Variants in ARMH1 observed in about 807,000 individuals in gnomAD.
ARMH1 encodes the protein armadillo-like helical domain containing protein 1.
Under a neutral mutation model 50.2 loss-of-function variants are expected in ARMH1, and 34 were observed. That is an observed-to-expected ratio of 0.68 (90% CI 0.51 to 0.90). ARMH1 has a LOEUF of 0.90. ARMH1 is among the 40% of genes least tolerant of loss of function. ARMH1 has a pLI of 0.00. For missense variants in ARMH1, 538 were observed against 553.9 expected (o/e 0.97, Z 0.29); for synonymous variants, 221 against 224.2 (o/e 0.99, Z 0.13).
chr1:44,701,116 C>G lies in ARMH1; in HGVS notation c.636C>G (p.Ala212=). The G allele has an allele frequency of 6.5e-7, 1 of 1,546,128 alleles. No homozygotes were observed. Among genetic ancestry groups the G allele is most frequent in the South Asian group, 1.2e-5 (1 of 83,310 alleles). The part of the protein sequence containing the change: ...QQLSLQTLRT[A]QPIIGTTHPS... ...TGTCCCTGCAGACTCTCAGGACTGC[C>G]CAGGTGAGCCAAGGCTGCATGCTCC... The change falls in exon 5 of 12, where the codon GCC becomes GCG. Residue 212 remains alanine, a synonymous_variant. Coordinates refer to ENST00000535358, the MANE Select transcript of ARMH1 (RefSeq NM_001145636.2).
At chr1:44,697,978 G>C in intron 3 of ARMH1, 85 bp from the exon 4 acceptor site, 4 of 1,124,140 alleles carry the variant, frequency 3.6e-6, no homozygotes, top group Non-Finnish European at 4.9e-6. Flanking sequence ...AGTATGTAAA[G>C]AGGGGACCTT....
intron 6 of ARMH1, among the ~76,000 whole-genome samples, chr1:44,708,597 T>C (rs1377773280): frequency 6.6e-6 from 1 of 152,034 alleles, no homozygotes; most frequent in Non-Finnish European, 1.5e-5. Flanking sequence ...CATCCTTCCC[T>C]TAGAAAGCTA....
At chr1:44,721,513 TA>T (rs566172951) in intron 6 of ARMH1, among the ~76,000 whole-genome samples, 11,784 of 149,060 alleles carry the variant, frequency 0.079, 622 homozygotes, top group South Asian at 0.11. Context: ...GGTTTTCTTT[TA>T]AAAAAAAAAA....
In ARMH1 at chr1:44,701,571, C is replaced by T. The variant is rs76521194; in HGVS notation, c.639+452C>T. Among the ~76,000 whole-genome samples the T allele has an allele frequency of 2.6e-3, 396 of 151,432 alleles. 1 individual carries two copies. Among genetic ancestry groups the T allele is most frequent in the Non-Finnish European group, 4.3e-3 (294 of 67,864 alleles). On this transcript the variant is annotated intron_variant, in intron 5 of 11. Coordinates refer to ENST00000535358, the MANE Select transcript of ARMH1 (RefSeq NM_001145636.2). ...GCAAGTGAAAACCGAATTTGGGGCA[C>T]GGTGAGCATACGAAGACATCGTACC...
chr1:44,723,529 C>T (rs1647719725), intron 6 of ARMH1, among the ~76,000 whole-genome samples: 1 of 152,148 alleles, frequency 6.6e-6, no homozygotes, highest in Non-Finnish European at 1.5e-5. Flanking sequence ...AGCTGTGTAA[C>T]TTAGGCAAAG....
At position 44,701,117 on chromosome 1, in the gene ARMH1, C is replaced by T. The variant is rs1646062304; in HGVS notation, c.637C>T (p.Gln213Ter). 1 of 1,546,036 alleles carries T rather than the reference C, an allele frequency of 6.5e-7. No homozygotes were observed. The highest frequency in any genetic ancestry group is 1.4e-5 in the African/African-American group (1 of 72,806). ...QLSLQTLRTA[Q>*]PIIGTTHPSI... ...GTCCCTGCAGACTCTCAGGACTGCCCAGGTGAGCCAAGGCTGCATGCTCCT... is the reference window on the plus strand; with the variant it reads ...GTCCCTGCAGACTCTCAGGACTGCCTAGGTGAGCCAAGGCTGCATGCTCCT... The change falls in exon 5 of 12, where the codon CAG becomes TAG. Residue 213 changes from glutamine to a stop codon, truncating the protein, a stop_gained and splice_region_variant. Coordinates refer to ENST00000535358, the MANE Select transcript of ARMH1 (RefSeq NM_001145636.2). LOFTEE classifies it high-confidence loss of function.
chr1:44,714,863 T>C, intron 6 of ARMH1, among the ~76,000 whole-genome samples: 1 of 152,040 alleles, frequency 6.6e-6, no homozygotes, highest in African/African-American at 2.4e-5. Context: ...TTGCCCAACC[T>C]GATTTGACTG....
chr1:44,679,293 C>T (rs996328641), intron 1 of ARMH1, among the ~76,000 whole-genome samples: 1 of 152,208 alleles, frequency 6.6e-6, no homozygotes, highest in African/African-American at 2.4e-5. Context: ...TCCATGTGTG[C>T]TCCAGTTCTT....
chr1:44,723,994 G>T, intron 6 of ARMH1, 128 bp from the exon 7 acceptor site: 4 of 1,233,132 alleles, frequency 3.2e-6, no homozygotes, highest in Non-Finnish European at 3.3e-6. Context: ...GCTCCCCCAC[G>T]CCCTGCACAG....
chr1:44,710,934 T>C (rs1162078109), intron 6 of ARMH1, among the ~76,000 whole-genome samples: 1 of 152,254 alleles, frequency 6.6e-6, no homozygotes, highest in African/African-American at 2.4e-5. Flanking sequence ...TTCACATAAA[T>C]GGAATTATAC....
At position 44,689,707 on chromosome 1, in the gene ARMH1, ATAAAGG is replaced by A. The variant is rs1406530414; in HGVS notation, c.11_16del (p.Ile4_Glu6delinsLys). On this transcript the variant is annotated inframe_deletion, in exon 2 of 12. Coordinates refer to ENST00000535358, the MANE Select transcript of ARMH1 (RefSeq NM_001145636.2). Reference sequence around the variant, plus strand: ...TCAGGACTGATTGATCATGACTTCTATAAAGGAGCAGGCAGCAATTAGCAGGCTCTT... The same window carrying A: ...TCAGGACTGATTGATCATGACTTCTAAGCAGGCAGCAATTAGCAGGCTCTT... 8.4e-6 allele frequency: 13 copies of A among 1,551,870 alleles called. No homozygotes were observed. The highest frequency in any genetic ancestry group is 1.1e-5 in the Non-Finnish European group (13 of 1,147,048).
Position 44,725,205 on chromosome 1 carries a change from A to G in ARMH1, c.1198A>G (p.Asn400Asp), listed in dbSNP as rs1452437538. Reference sequence around the variant, plus strand: ...GGACATCTTGGCGGCCAACACAGTCAATGTTACCAAAGGTGAGTGTGGGAC... The same window carrying G: ...GGACATCTTGGCGGCCAACACAGTCGATGTTACCAAAGGTGAGTGTGGGAC... ...QADILAANTV[N>D]VTKALCLHGS... Residue 400 changes from asparagine (N) to aspartate (D), a missense_variant, in exon 11 of 12, where the codon AAT (asparagine) becomes GAT (aspartate). By Grantham distance (23) the Asn-to-Asp change is conservative (BLOSUM62 1). Transcript: ENST00000535358. 3.2e-6 allele frequency: 5 copies of G among 1,551,868 alleles called. No homozygotes were observed. The African/African-American group carries it at 5.5e-5, about 17-fold the overall frequency.
rs1417816706 is a variant in ARMH1, at chr1:44,682,006, C to G, written c.-23+7133C>G. On this transcript the variant is annotated intron_variant, in intron 1 of 11. Coordinates refer to ENST00000535358, the MANE Select transcript of ARMH1 (RefSeq NM_001145636.2). The surrounding 1 kb of genome is among the most constrained non-coding windows in gnomAD (Gnocchi z 4.5). ...ATTAAAATCACCTTTTTGCTTGTCT[C>G]TCTGCCCTGCCAGTCTGTAAGCACC... Among the ~76,000 whole-genome samples, 2 of 152,160 alleles carry G rather than the reference C, an allele frequency of 1.3e-5. No homozygotes were observed. Among genetic ancestry groups the G allele is most frequent in the African/African-American group, 4.8e-5 (2 of 41,422 alleles).
chr1:44,713,615 G>A (rs761464668), intron 6 of ARMH1, among the ~76,000 whole-genome samples: 1 of 152,168 alleles, frequency 6.6e-6, no homozygotes, highest in Non-Finnish European at 1.5e-5. Context: ...GTTTATAAAA[G>A]TCTATAAAAC....
At chr1:44,709,495 A>ATG (rs1646493714) in intron 6 of ARMH1, among the ~76,000 whole-genome samples, 1 of 151,820 alleles carries the variant, frequency 6.6e-6, no homozygotes, top group Non-Finnish European at 1.5e-5. Context: ...ACACGGTGAA[A>ATG]CCCCATCTCT....
intron 1 of ARMH1, among the ~76,000 whole-genome samples, chr1:44,687,759 A>G (rs1442429279): frequency 1.3e-5 from 2 of 152,142 alleles, no homozygotes; most frequent in African/African-American, 4.8e-5. Context: ...CATAAGATTT[A>G]CAGCTGCATC....
intron 6 of ARMH1, among the ~76,000 whole-genome samples, chr1:44,722,310 TAAGG>T (rs1326119013): frequency 1.3e-5 from 2 of 152,048 alleles, no homozygotes; most frequent in African/African-American, 4.8e-5. Context: ...TCCCTGCACT[TAAGG>T]AGGCAGAGGT....
intron 6 of ARMH1, among the ~76,000 whole-genome samples, chr1:44,716,235 G>A (rs989551335): frequency 2.0e-5 from 3 of 151,546 alleles, no homozygotes; most frequent in Admixed American, 6.6e-5. Flanking sequence ...TAATTACCAC[G>A]ACTTTATGTA....
rs1645352876 is a variant in ARMH1 at position 44,682,762 on chromosome 1, C to T, written c.-22-6914C>T. Among the ~76,000 whole-genome samples, 2 of 151,896 alleles carry T rather than the reference C, an allele frequency of 1.3e-5. No individual in the cohort carries two copies. The highest frequency in any genetic ancestry group is 2.9e-5 in the Non-Finnish European group (2 of 67,956). ...GCAACGAAGCAAGACCCCACCTCTA[C>T]AAAAAATAAACAAATATAAAAATAA... On this transcript the variant is annotated intron_variant, in intron 1 of 11. Transcript: ENST00000535358. This position sits in a 1 kb window ranked among gnomAD's most constrained non-coding sequence, Gnocchi z 4.5.
Sources: allele counts gnomAD v4.1 joint callset (sites outside exome capture counted in the v4.1 genomes callset), GRCh38; gene constraint gnomAD v4.1.1; non-coding constraint Gnocchi (gnomAD v3.1); transcripts MANE v1.5; gene names NCBI Gene and HGNC (gene_info 2026-07-23, HGNC 2026-07-21).